Variants in P2RX3 observed in about 807,000 individuals in gnomAD.
The protein encoded by P2RX3 is purinergic receptor P2X 3, also known as P2X purinoceptor 3.
In P2RX3, 41 loss-of-function variants were observed where a neutral mutation model predicts 51.5. That is an observed-to-expected ratio of 0.80 (90% CI 0.62 to 1.03). The LOEUF (loss-of-function observed/expected upper bound fraction) is 1.03. Ranked by LOEUF, P2RX3 falls within the 50% of genes least tolerant of loss-of-function variation. The pLI is 0.00. For synonymous variants in P2RX3, 185 were observed against 191.6 expected, an observed-to-expected ratio of 0.97 and a Z score of 0.29; for missense variants, 459 against 522.1, an observed-to-expected ratio of 0.88 and a Z score of 1.18.
chr11:57,344,339 C>T (rs1856394761), intron 1 of P2RX3, among the ~76,000 whole-genome samples: 1 of 152,116 alleles, frequency 6.6e-6, no homozygotes, highest in Non-Finnish European at 1.5e-5. Flanking sequence ...ATAATCATTC[C>T]ACAAGGTATA....
chr11:57,365,418 C>A (rs1227768269), intron 8 of P2RX3, among the ~76,000 whole-genome samples: 5 of 152,222 alleles, frequency 3.3e-5, no homozygotes, highest in Non-Finnish European at 7.3e-5. Flanking sequence ...GTGCCCTGGC[C>A]TCTCTTTTTC....
chr11:57,347,648 C>T (rs894671076), intron 4 of P2RX3, among the ~76,000 whole-genome samples, 170 bp downstream of exon 4: 28 of 152,302 alleles, frequency 1.8e-4, no homozygotes, highest in Middle Eastern at 6.8e-3. Context: ...GGTGGCATGG[C>T]CCCTGCCCCC....
chr11:57,359,151 C>A lies in P2RX3; in HGVS notation c.842+8253C>A, dbSNP rs192151441. Among the ~76,000 whole-genome samples, 5 of 152,294 alleles carry A rather than the reference C, an allele frequency of 3.3e-5. No individual in the cohort carries two copies. In the East Asian group the frequency reaches 7.7e-4, roughly 24 times the overall value. On this transcript the variant is annotated intron_variant, in intron 8 of 11. Coordinates refer to ENST00000263314, the MANE Select transcript of P2RX3 (RefSeq NM_002559.5). ...GCCGCCCCCGCGGGAGGAATGGGAG[C>A]CTGGTTTTGAGCTGGGGTGCCTGAC...
At position 57,371,253 on chromosome 11, in the gene P2RX3, G is replaced by C. The variant is rs1360120894; in HGVS notation, c.*1256G>C. On this transcript the variant is annotated 3_prime_UTR_variant, in exon 12 of 12. Coordinates refer to ENST00000263314, the MANE Select transcript of P2RX3 (RefSeq NM_002559.5). ...AGTGAGAGGCCCAGAAATTGCCCCA[G>C]GGCAGGGCTCTGGGGCAGAACCAGG... Among the ~76,000 whole-genome samples the C allele has an allele frequency of 6.6e-6, 1 of 152,228 alleles. No homozygotes were observed. Among genetic ancestry groups the C allele is most frequent in the African/African-American group, 2.4e-5 (1 of 41,462 alleles).
At chr11:57,345,874 C>T (rs1164017669) in intron 1 of P2RX3, among the ~76,000 whole-genome samples, 1 of 151,162 alleles carries the variant, frequency 6.6e-6, no homozygotes, top group African/African-American at 2.4e-5. Flanking sequence ...CCTCCTCCCC[C>T]AGCCCCCCCA....
intron 11 of P2RX3, 120 bp from the exon 12 acceptor site, chr11:57,369,762 GAT>G: frequency 1.4e-6 from 1 of 729,226 alleles, no homozygotes; most frequent in Non-Finnish European, 2.4e-6. Flanking sequence ...GGATCACACA[GAT>G]GTCCTGGCTC....
intron 10 of P2RX3, among the ~76,000 whole-genome samples, 164 bp downstream of exon 10, chr11:57,368,601 G>A (rs1856833260): frequency 6.6e-6 from 1 of 152,196 alleles, no homozygotes; most frequent in Non-Finnish European, 1.5e-5. Context: ...CCACCCTGCT[G>A]CGTCAGCCCT....
In P2RX3 at chr11:57,349,854, G is replaced by A; in HGVS notation, c.661G>A (p.Val221Met). 1.9e-6 allele frequency: 3 copies of A among 1,614,226 alleles called. No individual in the cohort carries two copies. The highest frequency in any genetic ancestry group is 2.5e-6 in the Non-Finnish European group (3 of 1,180,038). ...CTGCCCCATCTTGCGGGTAGGGGAC[G>A]TGGTCAAGTTTGCGGGGCAGGATTT... ...PFCPILRVGD[V>M]VKFAGQDFAK... Residue 221 changes from valine (V) to methionine (M), a missense_variant, in exon 7 of 12, where the codon GTG becomes ATG. Val to Met is a conservative substitution (Grantham distance 21). Coordinates refer to ENST00000263314, the MANE Select transcript of P2RX3 (RefSeq NM_002559.5).
intron 7 of P2RX3, 67 bp from the exon 8 acceptor site, chr11:57,350,695 C>T: frequency 1.9e-6 from 3 of 1,588,238 alleles, no homozygotes; most frequent in Non-Finnish European, 2.6e-6. Flanking sequence ...CCACCCCACC[C>T]CCACCCTGGC....
chr11:57,349,631 C>A lies in P2RX3; in HGVS notation c.564-126C>A, dbSNP rs1856506182. ...GAAAGGAAAGAGGGGAGGGAGATGG[C>A]GAGGTCCAGATGAAGGCTGAGGGCT... On this transcript the variant is annotated intron_variant, in intron 6 of 11. Coordinates refer to ENST00000263314, the MANE Select transcript of P2RX3 (RefSeq NM_002559.5). The A allele has an allele frequency of 7.1e-6, 8 of 1,123,114 alleles. No homozygotes were observed. In the East Asian group the frequency reaches 7.7e-5, roughly 11 times the overall value. 69.6% of individuals were successfully genotyped at this position (1,123,114 alleles called of 1,614,324 possible). A position where few individuals can be genotyped will look rare whatever the true frequency, so the allele number is the denominator to read the frequency against.
intron 8 of P2RX3, among the ~76,000 whole-genome samples, chr11:57,361,363 G>A (rs578007091): frequency 2.4e-4 from 36 of 152,080 alleles, no homozygotes; most frequent in African/African-American, 7.7e-4. Flanking sequence ...AACGTGTGCC[G>A]TGGTAGTTTG....
At chr11:57,362,429 G>A (rs1175661798) in intron 8 of P2RX3, among the ~76,000 whole-genome samples, 1 of 152,230 alleles carries the variant, frequency 6.6e-6, no homozygotes, top group African/African-American at 2.4e-5. Flanking sequence ...TGGGCATGGT[G>A]TATGTAGCTG....
rs998535061 is a variant in P2RX3 at position 57,347,839 on chromosome 11, G to T, written c.392-331G>T. ...TGGGATGGTCCCTGAAGATGAATAG[G>T]ATTTGGCAGGACAGAGGGGGCTTCA... On this transcript the variant is annotated intron_variant, in intron 4 of 11. Coordinates refer to ENST00000263314, the MANE Select transcript of P2RX3 (RefSeq NM_002559.5). Among the ~76,000 whole-genome samples the T allele has an allele frequency of 7.2e-5, 11 of 152,296 alleles. No homozygotes were observed. In the East Asian group the frequency reaches 2.1e-3, roughly 29 times the overall value.
chr11:57,368,287 AC>A lies in P2RX3; in HGVS notation c.937-82del, dbSNP rs554262605. ...GGAGGGATCTGCTGATCCACCAAGA[AC>A]CCTTCTGGCGCCACGTGCAGCCTCG... On this transcript the variant is annotated intron_variant, in intron 9 of 11. Coordinates refer to ENST00000263314, the MANE Select transcript of P2RX3 (RefSeq NM_002559.5). 641 of 1,468,636 alleles carry A rather than the reference AC, an allele frequency of 4.4e-4. 2 individuals are homozygous for A. In the African/African-American group the frequency reaches 7.9e-3, roughly 18 times the overall value. 91.0% of individuals were successfully genotyped at this position (1,468,636 alleles called of 1,614,324 possible).
chr11:57,370,281 A>G lies in P2RX3; in HGVS notation c.*284A>G, dbSNP rs1856865165. 2.3e-6 allele frequency: 1 copy of G among 438,636 alleles called. No homozygotes were observed. The highest frequency in any genetic ancestry group is 2.0e-5 in the African/African-American group (1 of 51,150). The allele number at this position is 438,636 out of a possible 1,614,324, so 27.2% of individuals were successfully genotyped here. ...ATCCCCTTCCCAAAGAGTAGAGATT[A>G]TAATGTAGGACAGATGGCCACAAGG... On this transcript the variant is annotated 3_prime_UTR_variant, in exon 12 of 12. Transcript: ENST00000263314.
rs67011422 is a variant in P2RX3 at position 57,342,148 on chromosome 11, C to CT, written c.119+3508dup. 3.1e-3 allele frequency among the ~76,000 whole-genome samples: 152 copies of CT among 48,400 alleles called. 7 individuals are homozygous for CT. Among genetic ancestry groups the CT allele is most frequent in the African/African-American group, 7.7e-3 (85 of 11,068 alleles). 31.8% of individuals were successfully genotyped at this position (48,400 alleles called of 152,430 possible). A position where few individuals can be genotyped will look rare whatever the true frequency, so the allele number is the denominator to read the frequency against. ...GGGAAGAACTGTTGGGCTGCCCCATCTTTTTTTTTTTTTTTTTTTTTTTTT... is the reference window on the plus strand; with the variant it reads ...GGGAAGAACTGTTGGGCTGCCCCATCTTTTTTTTTTTTTTTTTTTTTTTTTT... On this transcript the variant is annotated intron_variant, in intron 1 of 11. Transcript: ENST00000263314.
At chr11:57,341,855 G>A (rs971539709) in intron 1 of P2RX3, among the ~76,000 whole-genome samples, 4 of 152,094 alleles carry the variant, frequency 2.6e-5, no homozygotes, top group African/African-American at 9.7e-5. Context: ...TACCTGCCCT[G>A]TTCCTCCCCC....
At chr11:57,361,297 T>G (rs1435225573) in intron 8 of P2RX3, among the ~76,000 whole-genome samples, 1 of 152,168 alleles carries the variant, frequency 6.6e-6, no homozygotes, top group Non-Finnish European at 1.5e-5. Flanking sequence ...TTTTTTTTTT[T>G]TTAAGTTTAA....
chr11:57,345,876 G>GC (rs892075199), intron 1 of P2RX3, among the ~76,000 whole-genome samples: 5 of 76,770 alleles, frequency 6.5e-5, no homozygotes, highest in East Asian at 4.0e-4. Context: ...TCCTCCCCCA[G>GC]CCCCCCCACC....
Sources: gnomAD v4.1 joint callset for allele counts (sites outside exome capture counted in the v4.1 genomes callset) on GRCh38, gnomAD v4.1.1 for gene constraint, MANE v1.5 for transcripts, NCBI Gene and HGNC (gene_info 2026-07-23, HGNC 2026-07-21) for gene names.